PPP2R2B: variants seen among roughly 807,000 people sequenced by gnomAD.
The protein encoded by PPP2R2B is serine/threonine-protein phosphatase 2A 55 kDa regulatory subunit B beta isoform.
In PPP2R2B, 5 loss-of-function variants were observed where a neutral mutation model predicts 46.0. That is an observed-to-expected ratio of 0.11 (90% CI 0.06 to 0.23). The LOEUF (loss-of-function observed/expected upper bound fraction) is 0.23, where lower values mean the gene tolerates loss of function less well. PPP2R2B is among the 10% of genes least tolerant of loss of function. PPP2R2B has a pLI of 1.00. For synonymous variants in PPP2R2B, 215 were observed against 206.7 expected (o/e 1.04, Z -0.34); for missense variants, 367 against 575.0 (o/e 0.64, Z 3.70).
intron 6 of PPP2R2B, 21 bp downstream of exon 6, chr5:146,650,526 T>C (rs1317021217): frequency 6.2e-7 from 1 of 1,605,910 alleles, no homozygotes; most frequent in Non-Finnish European, 8.5e-7. Context: ...CAGTTGATTC[T>C]TGATCACAAA....
At chr5:146,932,955 C>T (rs1216233649) in intron 1 of PPP2R2B, among the ~76,000 whole-genome samples, 1 of 152,116 alleles carries the variant, frequency 6.6e-6, no homozygotes, top group African/African-American at 2.4e-5. Flanking sequence ...ATCAAAGAAG[C>T]TTTGAGAATC....
chr5:146,962,273 A>G (rs892762149), intron 1 of PPP2R2B, among the ~76,000 whole-genome samples: 15 of 150,850 alleles, frequency 9.9e-5, no homozygotes, highest in Admixed American at 8.0e-4. Context: ...TTTGCTTCCA[A>G]TGTTTCCTTT....
chr5:146,648,205 A>G (rs929971292), intron 6 of PPP2R2B, among the ~76,000 whole-genome samples: 3 of 152,194 alleles, frequency 2.0e-5, no homozygotes, highest in Admixed American at 6.5e-5. Flanking sequence ...CCCACTTGTG[A>G]TCTTCCATGA....
At chr5:146,813,104 C>A (rs933647924) in intron 2 of PPP2R2B, among the ~76,000 whole-genome samples, 1 of 150,866 alleles carries the variant, frequency 6.6e-6, no homozygotes, top group East Asian at 2.0e-4. Flanking sequence ...TCTACATATA[C>A]ATATACTATG....
intron 1 of PPP2R2B, among the ~76,000 whole-genome samples, chr5:147,038,282 G>A (rs1468899685): frequency 3.1e-4 from 47 of 152,214 alleles, no homozygotes; most frequent in Admixed American, 2.9e-3. Flanking sequence ...AAGTAAATGC[G>A]TAACATGAAT....
At chr5:146,902,064 A>G (rs1211618126) in intron 1 of PPP2R2B, among the ~76,000 whole-genome samples, 1 of 152,152 alleles carries the variant, frequency 6.6e-6, no homozygotes, top group African/African-American at 2.4e-5. Context: ...ACATGAACTG[A>G]TGTATGGTTG....
chr5:147,032,959 G>A (rs544684495), intron 1 of PPP2R2B, among the ~76,000 whole-genome samples: 1 of 152,040 alleles, frequency 6.6e-6, no homozygotes, highest in Non-Finnish European at 1.5e-5. Context: ...TTCCATAGTG[G>A]CTGTACTAGT....
chr5:146,778,193 A>C (rs1257005411), intron 2 of PPP2R2B, among the ~76,000 whole-genome samples: 1 of 152,184 alleles, frequency 6.6e-6, no homozygotes, highest in Non-Finnish European at 1.5e-5. Context: ...TCTCTACTGA[A>C]AATATTCTTT....
intron 1 of PPP2R2B, among the ~76,000 whole-genome samples, chr5:147,007,936 C>T (rs1221704883): frequency 6.6e-6 from 1 of 152,174 alleles, no homozygotes; most frequent in Non-Finnish European, 1.5e-5. Context: ...ACCAAGAATC[C>T]ACTGGAAGGA....
chr5:146,661,278 C>G (rs1581816679), intron 5 of PPP2R2B, among the ~76,000 whole-genome samples: 1 of 152,124 alleles, frequency 6.6e-6, no homozygotes, highest in East Asian at 1.9e-4. Flanking sequence ...AAAATGTCAA[C>G]AGTTCCAAGG....
At chr5:146,902,895 C>T (rs1392547536) in intron 1 of PPP2R2B, among the ~76,000 whole-genome samples, 2 of 152,214 alleles carry the variant, frequency 1.3e-5, no homozygotes, top group Admixed American at 6.5e-5. Flanking sequence ...GTATGAGCAC[C>T]TCTAGGGATC....
chr5:147,021,611 G>A (rs1351409674), intron 1 of PPP2R2B, among the ~76,000 whole-genome samples: 2 of 152,136 alleles, frequency 1.3e-5, no homozygotes, highest in Non-Finnish European at 2.9e-5. Context: ...CTTAGCAGCA[G>A]GGCTAAAATA....
intron 2 of PPP2R2B, among the ~76,000 whole-genome samples, chr5:146,771,006 C>T (rs185012736): frequency 1.3e-5 from 2 of 152,172 alleles, no homozygotes; most frequent in East Asian, 1.9e-4. Flanking sequence ...CTCTACCAGG[C>T]GCATTTTGAA....
Position 146,878,178 on chromosome 5 carries a change from C to T in PPP2R2B, c.-107G>A. On this transcript the variant is annotated 5_prime_UTR_variant, in exon 2 of 10. Transcript: ENST00000394411. The surrounding 1 kb of genome is among the most constrained non-coding windows in gnomAD (Gnocchi z 4.5). ...GAGGGGGGCAGGGGAGCCAGTGGGA[C>T]TGCACCATGGTCCGAGCCTGAGGAG... 1.3e-6 allele frequency: 2 copies of T among 1,598,050 alleles called. No homozygotes were observed. The highest frequency in any genetic ancestry group is 1.7e-6 in the Non-Finnish European group (2 of 1,171,682).
intron 1 of PPP2R2B, among the ~76,000 whole-genome samples, chr5:146,952,332 C>A (rs1324184533): frequency 1.3e-5 from 2 of 151,968 alleles, no homozygotes; most frequent in Non-Finnish European, 2.9e-5. Context: ...TTTTGACAGA[C>A]AACAGCATCC....
chr5:146,868,210 G>T (rs1051181912), intron 2 of PPP2R2B, among the ~76,000 whole-genome samples: 2 of 152,190 alleles, frequency 1.3e-5, no homozygotes, highest in Non-Finnish European at 2.9e-5. Context: ...TTGCCAAATG[G>T]CTCCTCTCAA....
intron 1 of PPP2R2B, among the ~76,000 whole-genome samples, chr5:146,979,950 G>A (rs1230442157): frequency 3.3e-5 from 5 of 152,148 alleles, no homozygotes; most frequent in Middle Eastern, 3.2e-3. Context: ...AAAATGGTAC[G>A]TGTGTGTATA....
chr5:146,965,628 G>A (rs1235791831), intron 1 of PPP2R2B, among the ~76,000 whole-genome samples: 3 of 152,164 alleles, frequency 2.0e-5, no homozygotes, highest in Non-Finnish European at 4.4e-5. Context: ...CGCTGGCCCC[G>A]CTTGCTTTGC....
chr5:146,705,911 C>A (rs1213246125), intron 2 of PPP2R2B, among the ~76,000 whole-genome samples: 1 of 149,756 alleles, frequency 6.7e-6, no homozygotes, highest in Non-Finnish European at 1.5e-5. Flanking sequence ...AAAGTGTTTT[C>A]ATTTCAGAAT....
Sources: gnomAD v4.1 joint callset for allele counts (sites outside exome capture counted in the v4.1 genomes callset) on GRCh38, gnomAD v4.1.1 for gene constraint, Gnocchi (gnomAD v3.1) non-coding constraint, MANE v1.5 for transcripts, NCBI Gene and HGNC (gene_info 2026-07-23, HGNC 2026-07-21) for gene names.